CNOT2: variants seen among roughly 807,000 people sequenced by gnomAD.
CNOT2 encodes CC chemokine receptor 4-negative regulator of transcription 2.
Under a neutral mutation model 72.1 loss-of-function variants are expected in CNOT2, and 7 were observed. The observed-to-expected ratio is 0.10, with a 90% CI of 0.06 to 0.18. The LOEUF is 0.18. CNOT2 is among the 10% of genes least tolerant of loss of function. The pLI, the probability that CNOT2 is intolerant of heterozygous loss-of-function variation, is 1.00. For synonymous variants in CNOT2, 196 were observed against 225.6 expected, an observed-to-expected ratio of 0.87 and a Z score of 1.17; for missense variants, 345 against 660.3, an observed-to-expected ratio of 0.52 and a Z score of 5.23.
At chr12:70,335,363 T>C (rs1486584188) in intron 7 of CNOT2, 75 bp from the exon 8 acceptor site, 11 of 1,113,248 alleles carry the variant, frequency 9.9e-6, no homozygotes, top group Middle Eastern at 2.0e-4. Context: ...TTTCGAATTA[T>C]ATTATGGTTG....
chr12:70,243,409 G>C (rs1957662699), upstream of CNOT2: 1 of 152,628 alleles, frequency 6.6e-6, no homozygotes, highest in African/African-American at 2.4e-5. Flanking sequence ...AGAGGGTAAA[G>C]GTCTTGCTCC....
intron 1 of CNOT2, among the ~76,000 whole-genome samples, chr12:70,276,329 A>T (rs1490360177): frequency 1.3e-5 from 2 of 151,992 alleles, no homozygotes; most frequent in African/African-American, 4.8e-5. Flanking sequence ...TGCTGACATT[A>T]ATATAATTGG....
intron 1 of CNOT2, among the ~76,000 whole-genome samples, chr12:70,275,942 A>T (rs757376702): frequency 6.6e-6 from 1 of 152,078 alleles, no homozygotes; most frequent in Admixed American, 6.6e-5. Context: ...CAGTGTCTTC[A>T]GTCATTTTTC....
In CNOT2 at chr12:70,248,538, T is replaced by A. The variant is rs142670334; in HGVS notation, c.-96+5058T>A. Among the ~76,000 whole-genome samples, 38 of 152,308 alleles carry A rather than the reference T, an allele frequency of 2.5e-4. 1 individual carries two copies. The East Asian group carries it at 7.3e-3, about 29-fold the overall frequency. ...CAGATGTTACATCATATATGATACA[T>A]ACAACATTTTACCTTTCTCAAATCT... On this transcript the variant is annotated intron_variant, in intron 1 of 15. Transcript: ENST00000229195.
intron 11 of CNOT2, among the ~76,000 whole-genome samples, chr12:70,340,618 T>A (rs1881360630): frequency 6.6e-6 from 1 of 152,106 alleles, no homozygotes; most frequent in South Asian, 2.1e-4. Flanking sequence ...TAACTCCTCT[T>A]TCTTTTATAC....
chr12:70,288,401 CCTGGGATTACAGTG>C (rs1871290545), intron 2 of CNOT2, among the ~76,000 whole-genome samples: 1 of 152,030 alleles, frequency 6.6e-6, no homozygotes, highest in African/African-American at 2.4e-5. Context: ...CCTACCTCGG[CCTGGGATTACAGTG>C]CTGGGATTAC....
intron 1 of CNOT2, among the ~76,000 whole-genome samples, chr12:70,267,405 C>A (rs2135761403): frequency 6.6e-6 from 1 of 152,296 alleles, no homozygotes; most frequent in Middle Eastern, 3.4e-3. Flanking sequence ...CACTGTGTTT[C>A]TGTACTTAAT....
chr12:70,335,581 T>G lies in CNOT2; in HGVS notation c.775+18T>G. ...TCCTTATGGTAATTAAGCTTTTTAATGATGGCCAGTAGAAAGTTTCCATTG... is the reference window on the plus strand; with the variant it reads ...TCCTTATGGTAATTAAGCTTTTTAAGGATGGCCAGTAGAAAGTTTCCATTG... On this transcript the variant is annotated intron_variant, in intron 8 of 15. Transcript: ENST00000229195. 1 of 1,597,696 alleles carries G rather than the reference T, an allele frequency of 6.3e-7. No homozygotes were observed. The highest frequency in any genetic ancestry group is 1.7e-5 in the Admixed American group (1 of 59,594).
chr12:70,338,593 A>G (rs1175211968), intron 10 of CNOT2, 30 bp downstream of exon 10: 2 of 1,600,076 alleles, frequency 1.2e-6, no homozygotes, highest in East Asian at 2.2e-5. Context: ...TGTCAAAGAT[A>G]TTATAGAATG....
chr12:70,264,092 T>G (rs1412786582), intron 1 of CNOT2, among the ~76,000 whole-genome samples: 3 of 152,226 alleles, frequency 2.0e-5, no homozygotes, highest in Non-Finnish European at 4.4e-5. Flanking sequence ...CTTTTGTTAT[T>G]AACAGTTCTC....
At chr12:70,343,797 G>A (rs772475944) in intron 13 of CNOT2, 30 of 195,368 alleles carry the variant, frequency 1.5e-4, no homozygotes, top group Non-Finnish European at 2.9e-4. Flanking sequence ...CTAGATCTCT[G>A]AGCACAATGC....
intron 4 of CNOT2, chr12:70,321,670 G>T (rs1380034642): frequency 2.0e-5 from 3 of 151,736 alleles, no homozygotes; most frequent in Non-Finnish European, 2.9e-5. Context: ...ATTGTAATTT[G>T]TGCCATTAAA....
chr12:70,341,888 T>C, intron 11 of CNOT2: 1 of 591,326 alleles, frequency 1.7e-6, no homozygotes, highest in Non-Finnish European at 3.0e-6. Context: ...ATTTATACTG[T>C]ATTGCAAGAA....
intron 2 of CNOT2, among the ~76,000 whole-genome samples, chr12:70,303,926 C>G (rs933647320): frequency 2.0e-5 from 3 of 152,090 alleles, no homozygotes; most frequent in Non-Finnish European, 2.9e-5. Context: ...ATTCTTTTTT[C>G]TCTAAACTTC....
chr12:70,261,887 C>G (rs182464886), intron 1 of CNOT2, among the ~76,000 whole-genome samples: 36 of 150,590 alleles, frequency 2.4e-4, no homozygotes, highest in Admixed American at 1.4e-3. Flanking sequence ...AATCTCTTCA[C>G]TTGTTACAGG....
intron 2 of CNOT2, among the ~76,000 whole-genome samples, chr12:70,302,066 T>A (rs536003120): frequency 7.9e-5 from 12 of 152,218 alleles, no homozygotes; most frequent in Non-Finnish European, 1.6e-4. Context: ...AGTGGTGATA[T>A]CCCCTTTGGC....
At chr12:70,276,325 CA>C (rs2135796831) in intron 1 of CNOT2, among the ~76,000 whole-genome samples, 2 of 151,960 alleles carry the variant, frequency 1.3e-5, no homozygotes, top group African/African-American at 4.8e-5. Flanking sequence ...CTTTTGCTGA[CA>C]TTAATATAAT....
At chr12:70,335,938 G>C (rs1206679126) in intron 8 of CNOT2, 1 of 163,066 alleles carries the variant, frequency 6.1e-6, no homozygotes, top group Non-Finnish European at 1.3e-5. Flanking sequence ...GATTAATAAT[G>C]ACTGACTATA....
chr12:70,344,325 AT>A, intron 14 of CNOT2, 97 bp downstream of exon 14: 1 of 711,478 alleles, frequency 1.4e-6, no homozygotes, highest in South Asian at 1.8e-5. Flanking sequence ...AAATGGAACT[AT>A]TTCTCCATCA....
Sources: allele counts gnomAD v4.1 joint callset (sites outside exome capture counted in the v4.1 genomes callset), GRCh38; gene constraint gnomAD v4.1.1; transcripts MANE v1.5; gene names NCBI Gene and HGNC (gene_info 2026-07-23, HGNC 2026-07-21).